The following C22orf23 variants were observed in gnomAD, a reference collection of about 807,000 sequenced individuals.
C22orf23 encodes the protein chromosome 22 open reading frame 23.
Under a neutral mutation model 29.7 loss-of-function variants are expected in C22orf23, and 30 were observed. That is an observed-to-expected ratio of 1.01 (90% CI 0.76 to 1.37). C22orf23 has a LOEUF of 1.37. Ranked by LOEUF, C22orf23 falls within the 40% of genes most tolerant of loss-of-function variation. The pLI is 0.00. For synonymous variants in C22orf23, 90 were observed against 96.1 expected (o/e 0.94, Z 0.37); for missense variants, 237 against 273.1 (o/e 0.87, Z 0.93).
rs1197050323 is a variant in C22orf23 at position 37,947,729 on chromosome 22, T to C, written c.167-266A>G. Among the ~76,000 whole-genome samples, 6 of 151,344 alleles carry C rather than the reference T, an allele frequency of 4.0e-5. No homozygotes were observed. The East Asian group carries it at 1.2e-3, about 30-fold the overall frequency. On this transcript the variant is annotated intron_variant, in intron 3 of 6. Coordinates refer to ENST00000403305, the MANE Select transcript of C22orf23 (RefSeq NM_032561.5). ...CATGTTGGCCAGGCTGGTCTTGGACTCCTGACCTCAAGTGATCCACCCACC... is the reference window on the plus strand; with the variant it reads ...CATGTTGGCCAGGCTGGTCTTGGACCCCTGACCTCAAGTGATCCACCCACC...
chr22:37,947,947 A>C (rs1930801073), intron 3 of C22orf23, among the ~76,000 whole-genome samples: 2 of 151,890 alleles, frequency 1.3e-5, no homozygotes, highest in Non-Finnish European at 2.9e-5. Context: ...CTGTACTAAA[A>C]ATACAAAAAA....
intron 3 of C22orf23, 117 bp from the exon 4 acceptor site, chr22:37,947,580 G>A (rs988416526): frequency 1.1e-5 from 9 of 823,936 alleles, no homozygotes; most frequent in East Asian, 9.5e-5. Flanking sequence ...GCGCGATCTC[G>A]GCTTACTGCA....
At chr22:37,951,829 T>TGTG in intron 2 of C22orf23, 1 of 140,646 alleles carries the variant, frequency 7.1e-6, no homozygotes, top group African/African-American at 3.1e-5. Context: ...TTTTTTTTTT[T>TGTG]TTTGAGATGG....
In C22orf23 at chr22:37,943,961, C is replaced by A; in HGVS notation, c.*214G>T. ...GGGATGCTCGGGCTTTGCTTCTCTG[C>A]GGACGGGGCTGTGAGTCTCAGAGGC... On this transcript the variant is annotated 3_prime_UTR_variant, in exon 7 of 7. Transcript: ENST00000403305. The A allele has an allele frequency of 1.7e-6, 1 of 603,194 alleles. No homozygotes were observed. Among genetic ancestry groups the A allele is most frequent in the East Asian group, 2.8e-5 (1 of 35,938 alleles). The allele number at this position is 603,194 out of a possible 1,614,324, so 37.4% of individuals were successfully genotyped here.
chr22:37,944,902 AT>A lies in C22orf23; in HGVS notation c.481+139del, dbSNP rs1930604036. 2.1e-5 allele frequency: 16 copies of A among 773,514 alleles called. No homozygotes were observed. In the East Asian group the frequency reaches 5.2e-4, roughly 25 times the overall value. The allele number at this position is 773,514 out of a possible 1,614,324, so 47.9% of individuals were successfully genotyped here. A position where few individuals can be genotyped will look rare whatever the true frequency, so the allele number is the denominator to read the frequency against. On this transcript the variant is annotated intron_variant, in intron 5 of 6. Transcript: ENST00000403305. ...GCAATAAGAGCAAGACTGTCTCAAA[AT>A]AAATAAATAAATAAATAAATAGTGT...
chr22:37,953,653 G>A (rs1235994141), upstream of C22orf23: 1 of 1,091,846 alleles, frequency 9.2e-7, no homozygotes, highest in East Asian at 2.6e-5. Flanking sequence ...GCTCTGTCCT[G>A]CCTCCCGGAA....
intron 3 of C22orf23, among the ~76,000 whole-genome samples, chr22:37,950,408 G>A (rs1197187435): frequency 1.3e-5 from 2 of 151,692 alleles, no homozygotes; most frequent in African/African-American, 2.4e-5. Context: ...TCCCACACCC[G>A]GCCTGACCTG....
At position 37,947,429 on chromosome 22, in the gene C22orf23, T is replaced by C; in HGVS notation, c.201A>G (p.Thr67=). ...TGGAAGGTAAGACTCTCTGGCTGGATGTTGGGCTGCACTGTAGGGGCAAAG... is the reference window on the plus strand; with the variant it reads ...TGGAAGGTAAGACTCTCTGGCTGGACGTTGGGCTGCACTGTAGGGGCAAAG... ...GDALPLQCSP[T]SSQRVLPSKQ... The change falls in exon 4 of 7, where the codon ACA becomes ACG. Residue 67 remains threonine, a synonymous_variant. Coordinates refer to ENST00000403305, the MANE Select transcript of C22orf23 (RefSeq NM_032561.5). 6.2e-7 allele frequency: 1 copy of C among 1,609,874 alleles called. No homozygotes were observed.
At chr22:37,953,004 C>A (rs1178285077) in intron 2 of C22orf23, 43 bp downstream of exon 2, 2 of 1,466,246 alleles carry the variant, frequency 1.4e-6, no homozygotes, top group Admixed American at 3.7e-5. Context: ...GAAACCGGTC[C>A]CTGGTGCCAA....
chr22:37,951,248 G>A (rs954119219), intron 3 of C22orf23: 8 of 510,812 alleles, frequency 1.6e-5, no homozygotes, highest in Middle Eastern at 5.2e-4. Context: ...GAGGTCTTGT[G>A]GCTTGTGGCG....
At chr22:37,946,885 A>G (rs911016484) in intron 4 of C22orf23, among the ~76,000 whole-genome samples, 6 of 151,514 alleles carry the variant, frequency 4.0e-5, no homozygotes, top group African/African-American at 1.5e-4. Flanking sequence ...AAAAAAAAAA[A>G]AAAAAAAAAG....
chr22:37,945,294 C>T lies in C22orf23; in HGVS notation c.350-121G>A, dbSNP rs997908289. 8.3e-6 allele frequency: 10 copies of T among 1,198,806 alleles called. No homozygotes were observed. The African/African-American group carries it at 1.2e-4, about 15-fold the overall frequency. 74.3% of individuals were successfully genotyped at this position (1,198,806 alleles called of 1,614,324 possible). A position where few individuals can be genotyped will look rare whatever the true frequency, so the allele number is the denominator to read the frequency against. ...TGGTCATGCAGACAGGGCTTCCGTA[C>T]ACCTGCTGCTACCCTGGGTTCTCCT... On this transcript the variant is annotated intron_variant, in intron 4 of 6. Transcript: ENST00000403305.
chr22:37,944,827 G>T, intron 5 of C22orf23: 1 of 592,216 alleles, frequency 1.7e-6, no homozygotes, highest in Non-Finnish European at 2.9e-6. Context: ...TTGAACCTGG[G>T]AAGTGGAGGC....
In C22orf23 at chr22:37,947,355, G is replaced by A. The variant is rs756036895; in HGVS notation, c.275C>T (p.Pro92Leu). Residue 92 changes from proline (P) to leucine (L), a missense_variant, in exon 4 of 7, where the codon CCC (proline) becomes CTC (leucine). Pro to Leu is a moderately conservative substitution (Grantham distance 98). Transcript: ENST00000403305. ...IYLPPILAAR[P>L]HLRPANMCQA... Reference sequence around the variant, plus strand: ...ACACATGTTGGCAGGCCGGAGGTGGGGACGGGCTGCGAGGATGGGAGGCAG... The same window carrying A: ...ACACATGTTGGCAGGCCGGAGGTGGAGACGGGCTGCGAGGATGGGAGGCAG... 2 of 1,613,810 alleles carry A rather than the reference G, an allele frequency of 1.2e-6. No individual in the cohort carries two copies. The highest frequency in any genetic ancestry group is 2.7e-5 in the African/African-American group (2 of 74,814).
chr22:37,945,307 C>T (rs1930631559), intron 4 of C22orf23, 134 bp from the exon 5 acceptor site: 7 of 1,029,540 alleles, frequency 6.8e-6, no homozygotes, highest in African/African-American at 4.9e-5. Flanking sequence ...CTGCTGCTAC[C>T]CTGGGTTCTC....
intron 2 of C22orf23, among the ~76,000 whole-genome samples, chr22:37,952,192 CAAAA>C (rs1307160778): frequency 2.6e-5 from 4 of 151,962 alleles, no homozygotes; most frequent in Non-Finnish European, 5.9e-5. Flanking sequence ...TGGAAAAAAA[CAAAA>C]AAGTTGTTGA....
At chr22:37,951,827 T>TTTTTTTTTTG (rs1931050500) in intron 2 of C22orf23, 3 of 141,854 alleles carry the variant, frequency 2.1e-5, no homozygotes, top group African/African-American at 3.1e-5. Context: ...TTTTTTTTTT[T>TTTTTTTTTTG]TTTTTGAGAT....
chr22:37,946,245 C>T (rs1258979743), intron 4 of C22orf23, among the ~76,000 whole-genome samples: 128 of 147,816 alleles, frequency 8.7e-4, no homozygotes, highest in African/African-American at 3.0e-3. Flanking sequence ...GGCGACAGAG[C>T]AAGACTCAGT....
At chr22:37,945,244 G>A in intron 4 of C22orf23, 71 bp from the exon 5 acceptor site, 1 of 1,549,290 alleles carries the variant, frequency 6.5e-7, no homozygotes, top group South Asian at 1.3e-5. Flanking sequence ...GTGTTCCCAA[G>A]TGCACGTGCT....
Sources: gnomAD v4.1 joint callset for allele counts (sites outside exome capture counted in the v4.1 genomes callset) on GRCh38, gnomAD v4.1.1 for gene constraint, MANE v1.5 for transcripts, NCBI Gene and HGNC (gene_info 2026-07-23, HGNC 2026-07-21) for gene names.